The following UBE2G1 variants were observed in gnomAD, a reference collection of about 807,000 sequenced individuals.
UBE2G1 encodes ubiquitin-conjugating enzyme E2 G1.
A neutral mutation model predicts 22.7 loss-of-function variants in UBE2G1; 5 were observed. That is an observed-to-expected ratio of 0.22 (90% CI 0.12 to 0.46). The LOEUF is 0.46. Among genes scored for constraint, UBE2G1 ranks in the 20% least tolerant of loss-of-function variants. The pLI is 0.99. For synonymous variants in UBE2G1, 74 were observed against 67.5 expected (o/e 1.10, Z -0.47); for missense variants, 88 against 203.9 (o/e 0.43, Z 3.46).
At chr17:4,283,574 A>G (rs1254781513) in intron 4 of UBE2G1, among the ~76,000 whole-genome samples, 1 of 152,134 alleles carries the variant, frequency 6.6e-6, no homozygotes, top group African/African-American at 2.4e-5. Flanking sequence ...AATAAACATA[A>G]AAGTGTCTGC....
chr17:4,357,136 G>GA (rs1213653385), intron 1 of UBE2G1, among the ~76,000 whole-genome samples: 1 of 151,896 alleles, frequency 6.6e-6, no homozygotes, highest in Middle Eastern at 3.2e-3. Flanking sequence ...GAAAATAACA[G>GA]AAAAAATAAA....
chr17:4,339,426 T>G (rs1213050976), intron 1 of UBE2G1, among the ~76,000 whole-genome samples: 2 of 151,866 alleles, frequency 1.3e-5, no homozygotes, highest in African/African-American at 2.4e-5. Flanking sequence ...TGCCTCAGCC[T>G]CCCAAGTAGC....
At chr17:4,348,422 G>A (rs1024280533) in intron 1 of UBE2G1, among the ~76,000 whole-genome samples, 231 of 150,458 alleles carry the variant, frequency 1.5e-3, no homozygotes, top group African/African-American at 4.3e-3. Context: ...GCGTAGTGGC[G>A]GGCGCCTGTA....
chr17:4,345,786 C>G (rs1440121066), intron 1 of UBE2G1: 2 of 152,098 alleles, frequency 1.3e-5, no homozygotes, highest in African/African-American at 4.8e-5. Context: ...ATCTTCAGAG[C>G]ATGAAATCAG....
At chr17:4,336,799 A>G (rs886678274) in intron 1 of UBE2G1, among the ~76,000 whole-genome samples, 2 of 152,188 alleles carry the variant, frequency 1.3e-5, no homozygotes, top group Non-Finnish European at 2.9e-5. Flanking sequence ...AAATCTAAGA[A>G]AAACTTTTAG....
intron 1 of UBE2G1, among the ~76,000 whole-genome samples, chr17:4,315,858 G>A (rs1409876959): frequency 1.5e-5 from 2 of 137,844 alleles, no homozygotes; most frequent in Non-Finnish European, 3.1e-5. Flanking sequence ...CCAGGCTGGA[G>A]TGCAGTGGCG....
At chr17:4,359,873 A>C (rs113776903) in intron 1 of UBE2G1, among the ~76,000 whole-genome samples, 88 of 148,956 alleles carry the variant, frequency 5.9e-4, no homozygotes, top group African/African-American at 1.6e-3. Context: ...AAAAACAAAC[A>C]AAAAAAAACT....
At chr17:4,298,313 G>C (rs906206162) in intron 2 of UBE2G1, among the ~76,000 whole-genome samples, 2 of 151,816 alleles carry the variant, frequency 1.3e-5, no homozygotes, top group African/African-American at 4.8e-5. Context: ...CCTGGGAAAA[G>C]AAAAAAGAAA....
chr17:4,314,399 C>T (rs1283504332), intron 1 of UBE2G1, among the ~76,000 whole-genome samples: 1 of 152,162 alleles, frequency 6.6e-6, no homozygotes, highest in Non-Finnish European at 1.5e-5. Context: ...TTGAAATATG[C>T]AAGTTTAAAT....
At chr17:4,344,951 C>A (rs965154809) in intron 1 of UBE2G1, among the ~76,000 whole-genome samples, 1 of 152,092 alleles carries the variant, frequency 6.6e-6, no homozygotes, top group African/African-American at 2.4e-5. Flanking sequence ...TCCCACAATT[C>A]AAAATTCAAA....
chr17:4,294,826 C>T (rs1486598944), intron 3 of UBE2G1, among the ~76,000 whole-genome samples: 2 of 152,030 alleles, frequency 1.3e-5, no homozygotes, highest in Non-Finnish European at 2.9e-5. Flanking sequence ...TCACTTGAGC[C>T]CAGGAGGTCA....
intron 1 of UBE2G1, among the ~76,000 whole-genome samples, chr17:4,361,484 A>G (rs1256904025): frequency 6.6e-6 from 1 of 152,122 alleles, no homozygotes; most frequent in Non-Finnish European, 1.5e-5. Flanking sequence ...CTGAGATTAT[A>G]CCACTGCACT....
intron 1 of UBE2G1, among the ~76,000 whole-genome samples, chr17:4,347,317 T>A (rs1013182953): frequency 6.6e-6 from 1 of 152,140 alleles, no homozygotes; most frequent in East Asian, 1.9e-4. Context: ...TATGTTTCAT[T>A]CACAGGCACA....
At chr17:4,300,662 G>C (rs1232119456) in intron 2 of UBE2G1, among the ~76,000 whole-genome samples, 1 of 150,904 alleles carries the variant, frequency 6.6e-6, no homozygotes, top group Non-Finnish European at 1.5e-5. Context: ...GTACTATCAT[G>C]ATATTAAAAA....
intron 1 of UBE2G1, among the ~76,000 whole-genome samples, chr17:4,335,775 T>C (rs1192868689): frequency 6.6e-6 from 1 of 152,028 alleles, no homozygotes; most frequent in Non-Finnish European, 1.5e-5. Flanking sequence ...ATCTTAGACA[T>C]AACGAAATAC....
At chr17:4,357,702 T>C (rs1395644021) in intron 1 of UBE2G1, among the ~76,000 whole-genome samples, 2 of 152,034 alleles carry the variant, frequency 1.3e-5, no homozygotes, top group South Asian at 4.1e-4. Context: ...TCAAGAATTT[T>C]ATACAAAGGT....
At chr17:4,301,005 C>A (rs1432073673) in intron 2 of UBE2G1, among the ~76,000 whole-genome samples, 1 of 151,728 alleles carries the variant, frequency 6.6e-6, no homozygotes, top group Non-Finnish European at 1.5e-5. Context: ...AAAACCCAGG[C>A]CTAGTTCAAT....
intron 2 of UBE2G1, among the ~76,000 whole-genome samples, chr17:4,300,697 G>T (rs1461694015): frequency 6.6e-6 from 1 of 151,786 alleles, no homozygotes; most frequent in African/African-American, 2.4e-5. Flanking sequence ...GGGCACGGTG[G>T]CTCACACCTG....
intron 1 of UBE2G1, among the ~76,000 whole-genome samples, chr17:4,321,118 C>A (rs997042570): frequency 3.9e-5 from 6 of 151,966 alleles, no homozygotes; most frequent in Admixed American, 3.9e-4. Flanking sequence ...CCATGGCACT[C>A]CAGCCTGAAC....
Sources: allele counts gnomAD v4.1 joint callset (sites outside exome capture counted in the v4.1 genomes callset), GRCh38; gene constraint gnomAD v4.1.1; transcripts MANE v1.5; gene names NCBI Gene and HGNC (gene_info 2026-07-23, HGNC 2026-07-21).